The following CTNS variants were observed in gnomAD, a reference collection of about 807,000 sequenced individuals.
CTNS encodes cystinosin.
A neutral mutation model predicts 43.7 loss-of-function variants in CTNS; 27 were observed. The observed-to-expected ratio is 0.62, with a 90% CI of 0.46 to 0.85. The LOEUF is 0.85. Among genes scored for constraint, CTNS ranks in the 40% least tolerant of loss-of-function variants. The probability of loss-of-function intolerance (pLI) is 0.00; values close to 1 mark genes in which losing one functional copy is unlikely to be tolerated. For synonymous variants in CTNS, 187 were observed against 190.6 expected (o/e 0.98, Z 0.16); for missense variants, 457 against 475.4 (o/e 0.96, Z 0.36).
intron 3 of CTNS, among the ~76,000 whole-genome samples, chr17:3,643,548 G>C (rs1415096323): frequency 6.6e-6 from 1 of 151,930 alleles, no homozygotes; most frequent in Non-Finnish European, 1.5e-5. Flanking sequence ...GAGCGACATA[G>C]TGAGACCCCA....
Position 3,647,021 on chromosome 17 carries a change from T to C in CTNS, c.62-423T>C, listed in dbSNP as rs750703397. On this transcript the variant is annotated intron_variant, in intron 3 of 11. Coordinates refer to ENST00000046640, the MANE Select transcript of CTNS (RefSeq NM_004937.3). ...GAGTGCAGGAAAGGGGCTGGCCCAG[T>C]TCTTCAGGACCATTTTGACTTCATG... Among the ~76,000 whole-genome samples the C allele has an allele frequency of 4.3e-4, 66 of 152,316 alleles. 1 individual carries two copies. The highest frequency in any genetic ancestry group is 3.4e-3 in the Middle Eastern group (1 of 294).
chr17:3,657,143 A>G (rs754142380), intron 9 of CTNS, among the ~76,000 whole-genome samples: 11 of 151,916 alleles, frequency 7.2e-5, no homozygotes, highest in Non-Finnish European at 1.5e-4. Context: ...GGGCAGAGGA[A>G]GACGCTTGGT....
rs558068545 is a variant in CTNS at position 3,662,634 on chromosome 17, A to G, written c.*2265A>G. Among the ~76,000 whole-genome samples, 2 of 152,324 alleles carry G rather than the reference A, an allele frequency of 1.3e-5. No homozygotes were observed. Among genetic ancestry groups the G allele is most frequent in the South Asian group, 4.1e-4 (2 of 4,834 alleles). On this transcript the variant is annotated 3_prime_UTR_variant, in exon 12 of 12. Transcript: ENST00000046640. ...TGGGAGCAAGTAGGGGCTTCACAGTAACACCCAAGAAAGCACACGCACCCC... is the reference window on the plus strand; with the variant it reads ...TGGGAGCAAGTAGGGGCTTCACAGTGACACCCAAGAAAGCACACGCACCCC...
chr17:3,642,108 G>GGC (rs2075731907), intron 3 of CTNS, among the ~76,000 whole-genome samples: 1 of 106,858 alleles, frequency 9.4e-6, no homozygotes, highest in Admixed American at 9.7e-5. Flanking sequence ...TGTGTGCCTG[G>GGC]GTGTGTGTCT....
chr17:3,645,479 C>T (rs924213382), intron 3 of CTNS, among the ~76,000 whole-genome samples: 1 of 152,108 alleles, frequency 6.6e-6, no homozygotes, highest in African/African-American at 2.4e-5. Context: ...CTGTGATCTC[C>T]TTAGAGGAGA....
At chr17:3,645,671 C>T (rs2075825086) in intron 3 of CTNS, among the ~76,000 whole-genome samples, 1 of 151,894 alleles carries the variant, frequency 6.6e-6, no homozygotes, top group Admixed American at 6.6e-5. Flanking sequence ...ACCAGCCTGG[C>T]CAACATGGTG....
At chr17:3,653,260 A>G (rs976647455) in intron 5 of CTNS, among the ~76,000 whole-genome samples, 2 of 150,380 alleles carry the variant, frequency 1.3e-5, no homozygotes, top group African/African-American at 4.9e-5. Flanking sequence ...AAAAATACAA[A>G]AAATTAGCTG....
intron 9 of CTNS, chr17:3,657,478 C>T: frequency 4.9e-6 from 1 of 203,294 alleles, no homozygotes; most frequent in Non-Finnish European, 1.0e-5. Context: ...CTGGCCCCAC[C>T]CGTATGAACC....
At chr17:3,652,157 T>C (rs2076003246) in intron 5 of CTNS, among the ~76,000 whole-genome samples, 1 of 152,068 alleles carries the variant, frequency 6.6e-6, no homozygotes, top group Non-Finnish European at 1.5e-5. Flanking sequence ...ACATGGGAGT[T>C]GAGTGGTCTA....
chr17:3,654,308 G>A (rs759628890), intron 5 of CTNS, among the ~76,000 whole-genome samples: 21 of 152,144 alleles, frequency 1.4e-4, no homozygotes, highest in Non-Finnish European at 3.1e-4. Flanking sequence ...GTAAGAGGAC[G>A]AGAGCCATCC....
chr17:3,638,103 G>A (rs905317720), intron 2 of CTNS, among the ~76,000 whole-genome samples: 1 of 152,152 alleles, frequency 6.6e-6, no homozygotes, highest in Non-Finnish European at 1.5e-5. Context: ...ATCTGAATGA[G>A]GCCTGGACAA....
rs529697455 is a variant in CTNS at position 3,660,039 on chromosome 17, C to T, written c.970+64C>T. 3.8e-5 allele frequency: 57 copies of T among 1,507,570 alleles called. 1 individual carries two copies. Among genetic ancestry groups the T allele is most frequent in the East Asian group, 2.3e-4 (10 of 44,326 alleles). 93.4% of individuals were successfully genotyped at this position (1,507,570 alleles called of 1,614,324 possible). A position where few individuals can be genotyped will look rare whatever the true frequency, so the allele number is the denominator to read the frequency against. On this transcript the variant is annotated intron_variant, in intron 11 of 11. Coordinates refer to ENST00000046640, the MANE Select transcript of CTNS (RefSeq NM_004937.3). ...GGGCATCGGGCGGGGCCAGCCTTCC[C>T]GGGACCTTCCAGCCAGGGCTCCACC...
chr17:3,653,162 A>G lies in CTNS; in HGVS notation c.226-1836A>G, dbSNP rs151311958. On this transcript the variant is annotated intron_variant, in intron 5 of 11. Coordinates refer to ENST00000046640, the MANE Select transcript of CTNS (RefSeq NM_004937.3). ...CATGGTGGCTCACGCCTGTAATCCC[A>G]CCACTTTGGGAGGCCGAAGCGGGTG... 4.8e-3 allele frequency among the ~76,000 whole-genome samples: 732 copies of G among 152,338 alleles called. 13 individuals carry two copies. Among genetic ancestry groups the G allele is most frequent in the East Asian group, 0.023 (117 of 5,188 alleles).
intron 3 of CTNS, among the ~76,000 whole-genome samples, chr17:3,644,619 C>G (rs1455946328): frequency 1.3e-5 from 2 of 152,194 alleles, no homozygotes; most frequent in Non-Finnish European, 2.9e-5. Context: ...CGCCTGCCAT[C>G]ACGCCCAGCT....
chr17:3,642,111 G>A (rs1335366617), intron 3 of CTNS, among the ~76,000 whole-genome samples: 6 of 142,908 alleles, frequency 4.2e-5, no homozygotes, highest in African/African-American at 1.6e-4. Context: ...GTGCCTGGGT[G>A]TGTGTCTGCG....
intron 11 of CTNS, 94 bp from the exon 12 acceptor site, chr17:3,660,142 T>C (rs1000999309): frequency 6.3e-7 from 1 of 1,576,174 alleles, no homozygotes; most frequent in South Asian, 1.1e-5. Context: ...GCTTTGTGGT[T>C]TTCTGGGACC....
chr17:3,652,491 C>G (rs962112534), intron 5 of CTNS, among the ~76,000 whole-genome samples: 1 of 152,094 alleles, frequency 6.6e-6, no homozygotes, highest in African/African-American at 2.4e-5. Context: ...ACTTAGGAGG[C>G]TGAGGCAGGA....
chr17:3,657,916 T>C, intron 9 of CTNS, 89 bp from the exon 10 acceptor site: 4 of 1,526,600 alleles, frequency 2.6e-6, no homozygotes, highest in Non-Finnish European at 3.6e-6. Context: ...CGTGCCCCTC[T>C]CTAAGCCCGC....
At chr17:3,654,357 A>T (rs1005922248) in intron 5 of CTNS, among the ~76,000 whole-genome samples, 1 of 152,160 alleles carries the variant, frequency 6.6e-6, no homozygotes, top group African/African-American at 2.4e-5. Flanking sequence ...GGGCATGAGG[A>T]CAAGTCCATA....
Sources: allele counts gnomAD v4.1 joint callset (sites outside exome capture counted in the v4.1 genomes callset), GRCh38; gene constraint gnomAD v4.1.1; transcripts MANE v1.5; gene names NCBI Gene and HGNC (gene_info 2026-07-23, HGNC 2026-07-21).